Variants in TMEM87B observed in about 807,000 individuals in gnomAD.
The protein encoded by TMEM87B is transmembrane protein 87B.
Under a neutral mutation model 80.3 loss-of-function variants are expected in TMEM87B, and 83 were observed. The observed-to-expected ratio is 1.03, with a 90% confidence interval of 0.87 to 1.24. The LOEUF (loss-of-function observed/expected upper bound fraction) is 1.24, where lower values mean the gene tolerates loss of function less well. TMEM87B is among the 50% of genes most tolerant of loss of function. The pLI is 0.00. For missense variants in TMEM87B, 625 were observed against 674.4 expected, an observed-to-expected ratio of 0.93 and a Z score of 0.81; for synonymous variants, 219 against 230.5, an observed-to-expected ratio of 0.95 and a Z score of 0.45.
chr2:112,111,578 C>T (rs938276773), intron 17 of TMEM87B, among the ~76,000 whole-genome samples: 3 of 152,090 alleles, frequency 2.0e-5, no homozygotes, highest in Non-Finnish European at 2.9e-5. Context: ...TCTTCACTTA[C>T]GAAAACTTTA....
chr2:112,107,379 ATGTT>A (rs1161758605), intron 16 of TMEM87B, among the ~76,000 whole-genome samples: 1 of 148,026 alleles, frequency 6.8e-6, no homozygotes, highest in Non-Finnish European at 1.5e-5. Context: ...AAAAAAAAGA[ATGTT>A]TGTATTATCA....
Position 112,059,982 on chromosome 2 carries a change from A to G in TMEM87B, c.171A>G (p.Ser57=), listed in dbSNP as rs1470553054. 7.5e-6 allele frequency: 12 copies of G among 1,593,722 alleles called. No homozygotes were observed. Among genetic ancestry groups the G allele is most frequent in the South Asian group, 1.1e-5 (1 of 89,678 alleles). The part of the protein sequence containing the change: ...GLWLETVNDK[S]GPLIFRKTMF... ...GTGTTTGTTTTTCATTTTAGAAATC[A>G]GGACCTTTGATATTTAGGAAAACTA... is the stretch of plus-strand genomic sequence containing the variant. The change falls in exon 2 of 19, where the codon TCA becomes TCG. Residue 57 remains serine (S), a synonymous_variant. Transcript: ENST00000283206.
intron 17 of TMEM87B, among the ~76,000 whole-genome samples, chr2:112,111,938 C>G (rs1185586798): frequency 6.6e-6 from 1 of 152,154 alleles, no homozygotes; most frequent in Non-Finnish European, 1.5e-5. Context: ...TAGTGTTTAG[C>G]TCTAAACAAG....
intron 1 of TMEM87B, among the ~76,000 whole-genome samples, chr2:112,058,278 G>C (rs1473381128): frequency 6.6e-6 from 1 of 152,232 alleles, no homozygotes; most frequent in Non-Finnish European, 1.5e-5. Context: ...TTCCATGCCT[G>C]AGCTTGGCCT....
rs540211602 is a variant in TMEM87B, at chr2:112,110,885, A to T, written c.1578-2014A>T. ...CACTCGATTTGAGCCCCTTCCGTGT[A>T]GCAGGTGCTGTGAACTTCTTCCAAG... is the stretch of plus-strand genomic sequence containing the variant. On this transcript the variant is annotated intron_variant, in intron 17 of 18. Coordinates refer to ENST00000283206, the MANE Select transcript of TMEM87B (RefSeq NM_032824.3). Among the ~76,000 whole-genome samples the T allele has an allele frequency of 4.6e-5, 7 of 152,270 alleles. No homozygotes were observed. The South Asian group carries it at 1.4e-3, about 32-fold the overall frequency.
chr2:112,071,744 T>G (rs1189902516), intron 4 of TMEM87B, among the ~76,000 whole-genome samples: 1 of 152,218 alleles, frequency 6.6e-6, no homozygotes. Context: ...ATAGTTTGAC[T>G]TCTTCTCTTC....
rs1351484357 is a variant in TMEM87B, at chr2:112,091,713, G to T, written c.1034G>T (p.Gly345Val). 6.2e-7 allele frequency: 1 copy of T among 1,610,844 alleles called. No individual in the cohort carries two copies. Among genetic ancestry groups the T allele is most frequent in the Non-Finnish European group, 8.5e-7 (1 of 1,177,846 alleles). The change falls in exon 11 of 19, where the codon GGT (glycine) becomes GTT (valine). Residue 345 changes from glycine to valine, a missense_variant and splice_region_variant. Gly to Val is a moderately radical substitution (Grantham distance 109). Transcript: ENST00000283206. ...TCTTCCCTTATTTTTATCTTTCAGG[G>T]TTCTAACCATTTAGCTGTTGTTCTT... ...AVEGVMRVIG[G>V]SNHLAVVLDD... is the part of the protein sequence containing the mutation.
intron 14 of TMEM87B, among the ~76,000 whole-genome samples, chr2:112,100,203 T>G (rs1260983085): frequency 6.6e-6 from 1 of 152,218 alleles, no homozygotes; most frequent in African/African-American, 2.4e-5. Context: ...ATCAGCAGTA[T>G]TTTGAGCTTA....
Position 112,055,601 on chromosome 2 carries a change from G to T in TMEM87B, c.10G>T (p.Ala4Ser). Reference sequence around the variant, plus strand: ...CAGCTTCCTGGTCAAGATGGTCGCCGCCTGCCGCTCGGTAGCCGGGCTCCT... The same window carrying T: ...CAGCTTCCTGGTCAAGATGGTCGCCTCCTGCCGCTCGGTAGCCGGGCTCCT... MVA[A>S]CRSVAGLLPR... is the part of the protein sequence containing the mutation. Residue 4 changes from alanine (A) to serine (S), a missense_variant, in exon 1 of 19, where the codon GCC (alanine) becomes TCC (serine). Ala to Ser is a moderately conservative substitution (Grantham distance 99). Transcript: ENST00000283206. 1 of 1,514,120 alleles carries T rather than the reference G, an allele frequency of 6.6e-7. No homozygotes were observed. The allele number at this position is 1,514,120 out of a possible 1,614,324, so 93.8% of individuals were successfully genotyped here. A position where few individuals can be genotyped will look rare whatever the true frequency, so the allele number is the denominator to read the frequency against.
At chr2:112,067,832 G>C (rs982276789) in intron 4 of TMEM87B, among the ~76,000 whole-genome samples, 7 of 152,146 alleles carry the variant, frequency 4.6e-5, no homozygotes, top group Non-Finnish European at 8.8e-5. Context: ...CAAAAGTCTT[G>C]ACTTACCAGC....
At chr2:112,080,647 A>G (rs962466510) in intron 6 of TMEM87B, among the ~76,000 whole-genome samples, 1 of 152,154 alleles carries the variant, frequency 6.6e-6, no homozygotes, top group Non-Finnish European at 1.5e-5. Context: ...TCTTGGATAT[A>G]TGGCTTGCTA....
At chr2:112,061,298 T>C (rs1678251299) in intron 2 of TMEM87B, among the ~76,000 whole-genome samples, 1 of 152,206 alleles carries the variant, frequency 6.6e-6, no homozygotes, top group African/African-American at 2.4e-5. Context: ...AGTTAAAGTC[T>C]CAGGATAAGG....
rs1679492254 is a variant in TMEM87B at position 112,097,096 on chromosome 2, CTG to C, written c.1160_1161del (p.Val387GlufsTer6). 3.1e-6 allele frequency: 5 copies of C among 1,609,354 alleles called. No individual in the cohort carries two copies. The highest frequency in any genetic ancestry group is 1.1e-5 in the South Asian group (1 of 89,452). On this transcript the variant is annotated frameshift_variant, in exon 12 of 19. Coordinates refer to ENST00000283206, the MANE Select transcript of TMEM87B (RefSeq NM_032824.3). LOFTEE classifies it high-confidence loss of function. ...AAGACCCTAAGGCTAAGAAAGAACA[CTG>C]TGAAATTTTCATTATATAGACATTT...
chr2:112,103,579 G>T lies in TMEM87B; in HGVS notation c.1451-2423G>T, dbSNP rs554066527. On this transcript the variant is annotated intron_variant, in intron 15 of 18. Transcript: ENST00000283206. Reference sequence around the variant, plus strand: ...AAAAGACCACATACTGTATAATTTTGTTTATATGAAAGGTCCAGAACAGAC... The same window carrying T: ...AAAAGACCACATACTGTATAATTTTTTTTATATGAAAGGTCCAGAACAGAC... Among the ~76,000 whole-genome samples, 17 of 152,264 alleles carry T rather than the reference G, an allele frequency of 1.1e-4. No homozygotes were observed. In the East Asian group the frequency reaches 3.1e-3, roughly 28 times the overall value.
At chr2:112,110,859 C>T (rs1339081210) in intron 17 of TMEM87B, among the ~76,000 whole-genome samples, 1 of 151,920 alleles carries the variant, frequency 6.6e-6, no homozygotes, top group Non-Finnish European at 1.5e-5. Context: ...GCTTTTTGTC[C>T]CACTCGATTT....
chr2:112,095,583 A>C (rs1573716937), intron 11 of TMEM87B: 1 of 631,898 alleles, frequency 1.6e-6, no homozygotes, highest in South Asian at 7.1e-5. Flanking sequence ...TTTAAGGAAT[A>C]AAGTATATTT....
chr2:112,058,821 A>C (rs1176692852), intron 1 of TMEM87B, among the ~76,000 whole-genome samples: 1 of 152,208 alleles, frequency 6.6e-6, no homozygotes, highest in Non-Finnish European at 1.5e-5. Context: ...GAAGAACTAA[A>C]TTTGATAAAT....
intron 15 of TMEM87B, among the ~76,000 whole-genome samples, chr2:112,101,157 T>C (rs1679619892): frequency 1.3e-5 from 2 of 152,202 alleles, no homozygotes; most frequent in South Asian, 4.1e-4. Context: ...AATTTTATTG[T>C]AATCTAATTA....
chr2:112,083,497 G>A lies in TMEM87B; in HGVS notation c.838+1979G>A, dbSNP rs528650019. ...GACTGCTGTATTGGACAGCACAGAG[G>A]TAGACCACTTCCATCATTGCAAAAG... On this transcript the variant is annotated intron_variant, in intron 8 of 18. Coordinates refer to ENST00000283206, the MANE Select transcript of TMEM87B (RefSeq NM_032824.3). 3.9e-5 allele frequency among the ~76,000 whole-genome samples: 6 copies of A among 152,330 alleles called. No homozygotes were observed. In the South Asian group the frequency reaches 1.0e-3, roughly 26 times the overall value.
Sources: allele counts gnomAD v4.1 joint callset (sites outside exome capture counted in the v4.1 genomes callset), GRCh38; gene constraint gnomAD v4.1.1; transcripts MANE v1.5; gene names NCBI Gene and HGNC (gene_info 2026-07-23, HGNC 2026-07-21).